TENM3: variants seen among roughly 807,000 people sequenced by gnomAD.
TENM3 encodes teneurin-3.
TENM3 carries 63 observed loss-of-function variants against 255.1 expected under a neutral mutation model. The observed-to-expected ratio is 0.25, with a 90% CI of 0.20 to 0.30. The LOEUF (loss-of-function observed/expected upper bound fraction) is 0.30. Among genes scored for constraint, TENM3 ranks in the 10% least tolerant of loss-of-function variants. The pLI, the probability that TENM3 is intolerant of heterozygous loss-of-function variation, is 1.00. For missense variants in TENM3, 2,929 were observed against 3,461.1 expected (o/e 0.85, Z 3.86); for synonymous variants, 1,306 against 1,322.3 (o/e 0.99, Z 0.27).
chr4:181,505,213 C>T, the TENM3 span, among the ~76,000 whole-genome samples: 3 of 152,202 alleles, frequency 2.0e-5, no homozygotes, highest in East Asian at 3.9e-4. Flanking sequence ...ATGGACAGCA[C>T]TCTCATTGGA....
chr4:182,305,923 C>A (rs910001584), intron 1 of TENM3, among the ~76,000 whole-genome samples: 3 of 152,126 alleles, frequency 2.0e-5, no homozygotes, highest in Admixed American at 1.3e-4. Flanking sequence ...TTGTTATTAA[C>A]ACCCTGAATC....
chr4:182,028,585 C>T, the TENM3 span, among the ~76,000 whole-genome samples: 3 of 152,090 alleles, frequency 2.0e-5, no homozygotes, highest in African/African-American at 7.2e-5. Flanking sequence ...GCACTTATGA[C>T]TATAAACTTC....
intron 3 of TENM3, among the ~76,000 whole-genome samples, chr4:182,430,032 T>C (rs1185992857): frequency 5.9e-5 from 9 of 152,232 alleles, no homozygotes; most frequent in Admixed American, 5.2e-4. Context: ...GACTCCTGCG[T>C]CTGTGGTCTT....
chr4:181,503,191 C>T, the TENM3 span, among the ~76,000 whole-genome samples: 2 of 151,946 alleles, frequency 1.3e-5, no homozygotes, highest in South Asian at 4.2e-4. Flanking sequence ...ATAGCAAGAC[C>T]CCCATCTCTA....
At chr4:182,250,153 C>T (rs979975811) in intron 1 of TENM3, among the ~76,000 whole-genome samples, 11 of 150,422 alleles carry the variant, frequency 7.3e-5, no homozygotes, top group East Asian at 2.0e-4. Context: ...CCTGGGTTCA[C>T]GCCATTCTCC....
the TENM3 span, among the ~76,000 whole-genome samples, chr4:181,934,924 G>T: frequency 1.3e-5 from 2 of 152,258 alleles, no homozygotes; most frequent in African/African-American, 4.8e-5. Context: ...ATGCTAGCTT[G>T]TCTATTTAAT....
At chr4:181,921,642 A>G in the TENM3 span, among the ~76,000 whole-genome samples, 3 of 152,118 alleles carry the variant, frequency 2.0e-5, no homozygotes, top group Non-Finnish European at 2.9e-5. Flanking sequence ...GGGCTGAGAC[A>G]ATGGGGTTTT....
At chr4:182,249,138 G>A (rs1187590758) in intron 1 of TENM3, among the ~76,000 whole-genome samples, 3 of 152,188 alleles carry the variant, frequency 2.0e-5, no homozygotes, top group Non-Finnish European at 4.4e-5. Context: ...TAGCTAATAA[G>A]TGGTAGAGGA....
At chr4:181,501,342 G>A in the TENM3 span, among the ~76,000 whole-genome samples, 1 of 151,838 alleles carries the variant, frequency 6.6e-6, no homozygotes, top group Non-Finnish European at 1.5e-5. Flanking sequence ...TAATGATAGT[G>A]AGGGAATGGA....
At position 182,477,893 on chromosome 4, in the gene TENM3, A is replaced by G. The variant is rs540460654; in HGVS notation, c.512-123031A>G. On this transcript the variant is annotated intron_variant, in intron 3 of 27. Coordinates refer to ENST00000511685, the MANE Select transcript of TENM3 (RefSeq NM_001080477.4). ...AAAGTAAAAAATAATGAATAAAATT[A>G]TGCAGATGCTCTGGAAAATACCTGG... Among the ~76,000 whole-genome samples, 9 of 152,334 alleles carry G rather than the reference A, an allele frequency of 5.9e-5. No homozygotes were observed. In the East Asian group the frequency reaches 1.7e-3, roughly 29 times the overall value.
the TENM3 span, among the ~76,000 whole-genome samples, chr4:181,737,007 C>T: frequency 6.6e-6 from 1 of 152,054 alleles, no homozygotes; most frequent in Admixed American, 6.6e-5. Context: ...AGTCTCAGAC[C>T]ACAAGAATCT....
intron 12 of TENM3, among the ~76,000 whole-genome samples, chr4:182,704,122 C>T (rs1364055415): frequency 1.3e-5 from 2 of 151,208 alleles, no homozygotes; most frequent in African/African-American, 4.9e-5. Context: ...CTAGGAAATC[C>T]TAAAATGTGT....
the TENM3 span, among the ~76,000 whole-genome samples, chr4:181,698,222 A>T: frequency 1.3e-5 from 2 of 151,944 alleles, no homozygotes; most frequent in Non-Finnish European, 2.9e-5. Context: ...TCAAAAAAAA[A>T]AAAAAAAAGA....
Position 182,728,972 on chromosome 4 carries a change from C to G in TENM3, c.2376C>G (p.Leu792=), listed in dbSNP as rs1355260508. ...TDSKDNEGDG[L]IDCMDPDCCL... ...GAACATTTCTCTCTACAGATGGACT[C>G]ATTGACTGCATGGATCCCGATTGCT... is the stretch of plus-strand genomic sequence containing the variant. Residue 792 remains leucine, a synonymous_variant, in exon 14 of 28, where the codon CTC becomes CTG. Coordinates refer to ENST00000511685, the MANE Select transcript of TENM3 (RefSeq NM_001080477.4). The G allele has an allele frequency of 4.3e-6, 7 of 1,613,534 alleles. No homozygotes were observed. The African/African-American group carries it at 8.0e-5, about 18-fold the overall frequency.
chr4:181,523,391 T>C, the TENM3 span, among the ~76,000 whole-genome samples: 12 of 151,168 alleles, frequency 7.9e-5, no homozygotes, highest in Middle Eastern at 3.4e-3. Context: ...AACTTTTTTA[T>C]GAGCTATGAA....
the TENM3 span, among the ~76,000 whole-genome samples, chr4:181,791,028 A>G: frequency 6.6e-6 from 1 of 152,220 alleles, no homozygotes; most frequent in Admixed American, 6.5e-5. Flanking sequence ...GAATGCTTTC[A>G]TGGGGCATGT....
At chr4:182,199,153 C>G (rs1414782006) in intron 1 of TENM3, among the ~76,000 whole-genome samples, 1 of 152,146 alleles carries the variant, frequency 6.6e-6, no homozygotes, top group Non-Finnish European at 1.5e-5. Context: ...CTGATCAGTA[C>G]TATACCTGAA....
At position 182,324,265 on chromosome 4, in the gene TENM3, C is replaced by A; in HGVS notation, c.232+13C>A. On this transcript the variant is annotated intron_variant, in intron 2 of 27. Transcript: ENST00000511685. ...TTCACTAGACAAGGTGGGTAACTGT[C>A]CTAGTAAAATAAGGCAATGCTCACG... is the stretch of plus-strand genomic sequence containing the variant. The A allele has an allele frequency of 6.3e-7, 1 of 1,585,178 alleles. No homozygotes were observed. The highest frequency in any genetic ancestry group is 8.7e-7 in the Non-Finnish European group (1 of 1,153,638).
At chr4:181,806,165 G>A in the TENM3 span, among the ~76,000 whole-genome samples, 12 of 152,188 alleles carry the variant, frequency 7.9e-5, no homozygotes, top group South Asian at 1.7e-3. Context: ...TCAATAATTC[G>A]CAGTTTGCTT....
Sources: allele counts gnomAD v4.1 joint callset (sites outside exome capture counted in the v4.1 genomes callset), GRCh38; gene constraint gnomAD v4.1.1; transcripts MANE v1.5; gene names NCBI Gene and HGNC (gene_info 2026-07-23, HGNC 2026-07-21).